Variants in TLK2 observed in about 807,000 individuals in gnomAD.
The protein encoded by TLK2 is tousled like kinase 2, also known as serine/threonine-protein kinase tousled-like 2.
Under a neutral mutation model 117.3 loss-of-function variants are expected in TLK2, and 6 were observed. The observed-to-expected ratio is 0.05, with a 90% CI of 0.03 to 0.10. The LOEUF is 0.10. Among genes scored for constraint, TLK2 ranks in the 10% least tolerant of loss-of-function variants. The pLI is 1.00. For missense variants in TLK2, 299 were observed against 901.2 expected (o/e 0.33, Z 8.56); for synonymous variants, 257 against 316.7 (o/e 0.81, Z 2.00).
intron 19 of TLK2, among the ~76,000 whole-genome samples, chr17:62,604,954 A>C (rs2083166727): frequency 6.6e-6 from 1 of 152,238 alleles, no homozygotes; most frequent in African/African-American, 2.4e-5. Flanking sequence ...GCCATAAAAA[A>C]GTCACAAATA....
intron 1 of TLK2, 127 bp downstream of exon 1, chr17:62,479,417 T>C (rs2071337010): frequency 6.5e-6 from 1 of 153,730 alleles, no homozygotes; most frequent in African/African-American, 2.4e-5. Context: ...CCGCAGCTCC[T>C]GGGCGCTGAG....
At chr17:62,556,817 A>G (rs1233388998) in intron 9 of TLK2, among the ~76,000 whole-genome samples, 4 of 150,224 alleles carry the variant, frequency 2.7e-5, no homozygotes, top group Admixed American at 1.3e-4. Flanking sequence ...TATTTCTCAC[A>G]TGTTATGTCT....
intron 2 of TLK2, among the ~76,000 whole-genome samples, chr17:62,511,659 C>T (rs539413986): frequency 1.2e-4 from 18 of 152,292 alleles, no homozygotes; most frequent in East Asian, 3.9e-4. Flanking sequence ...TGTGAGCCAC[C>T]GCACCCAGCC....
At chr17:62,593,791 A>ATTTT (rs1387305200) in intron 16 of TLK2, among the ~76,000 whole-genome samples, 1 of 134,750 alleles carries the variant, frequency 7.4e-6, no homozygotes, top group Non-Finnish European at 1.6e-5. Flanking sequence ...TACACTCTAA[A>ATTTT]TTTTTTTTTT....
intron 6 of TLK2, among the ~76,000 whole-genome samples, chr17:62,535,838 C>T (rs1373198753): frequency 2.0e-5 from 3 of 151,572 alleles, no homozygotes; most frequent in Non-Finnish European, 4.4e-5. Context: ...TTTTCATTTA[C>T]CTACAGGATA....
intron 2 of TLK2, among the ~76,000 whole-genome samples, chr17:62,499,122 T>C (rs1302403152): frequency 2.0e-5 from 3 of 151,544 alleles, no homozygotes; most frequent in Non-Finnish European, 4.4e-5. Context: ...GGGTGGATCA[T>C]CTGAGGTCAG....
chr17:62,585,428 C>T (rs2081541135), intron 15 of TLK2, among the ~76,000 whole-genome samples: 1 of 152,204 alleles, frequency 6.6e-6, no homozygotes, highest in South Asian at 2.1e-4. Context: ...ATCCCAGCTA[C>T]TCAGGAAGCT....
At chr17:62,555,306 C>G (rs541725574) in intron 9 of TLK2, among the ~76,000 whole-genome samples, 1 of 152,062 alleles carries the variant, frequency 6.6e-6, no homozygotes, top group African/African-American at 2.4e-5. Context: ...AGTCACTGTA[C>G]TCATGATGAT....
Position 62,481,156 on chromosome 17 carries a change from C to A in TLK2, c.31C>A (p.Arg11=). 1.2e-6 allele frequency: 2 copies of A among 1,613,838 alleles called. No individual in the cohort carries two copies. Among genetic ancestry groups the A allele is most frequent in the Non-Finnish European group, 1.7e-6 (2 of 1,179,834 alleles). Residue 11 remains arginine (R), a synonymous_variant, in exon 2 of 22, where the codon CGA becomes AGA. Transcript: ENST00000346027. MMEELHSLDP[R]RQELLEARFT... is the part of the protein sequence containing the mutation. ...GGAAGAATTGCATAGCCTGGACCCA[C>A]GACGGCAGGAATTATTGGAGGCCAG... is the stretch of plus-strand genomic sequence containing the variant.
At chr17:62,560,209 G>A (rs2079155180) in intron 10 of TLK2, 83 bp downstream of exon 10, 6 of 918,656 alleles carry the variant, frequency 6.5e-6, no homozygotes, top group Non-Finnish European at 9.3e-6. Context: ...CCTTACTTGA[G>A]ATGAAAATAT....
intron 16 of TLK2, among the ~76,000 whole-genome samples, chr17:62,596,232 C>T (rs966589826): frequency 6.6e-6 from 1 of 152,140 alleles, no homozygotes. Flanking sequence ...CGCACCACTA[C>T]GCCCAGCTAA....
intron 2 of TLK2, among the ~76,000 whole-genome samples, chr17:62,511,183 CAT>C (rs755828997): frequency 1.3e-4 from 20 of 152,204 alleles, no homozygotes; most frequent in Non-Finnish European, 2.2e-4. Flanking sequence ...AATTTTATCA[CAT>C]GTGTAGCTTG....
intron 18 of TLK2, 69 bp from the exon 19 acceptor site, chr17:62,601,970 TCTG>T (rs1157986431): frequency 7.2e-7 from 1 of 1,390,750 alleles, no homozygotes; most frequent in Non-Finnish European, 9.8e-7. Flanking sequence ...CCCCTTCTTA[TCTG>T]CTATTACTTT....
chr17:62,599,072 A>G (rs2082687690), intron 17 of TLK2, among the ~76,000 whole-genome samples: 1 of 151,550 alleles, frequency 6.6e-6, no homozygotes, highest in African/African-American at 2.4e-5. Flanking sequence ...CAGCCTCCCA[A>G]GTAGCTGGGA....
chr17:62,575,031 G>T (rs1411881242), intron 12 of TLK2, among the ~76,000 whole-genome samples: 2 of 152,188 alleles, frequency 1.3e-5, no homozygotes, highest in African/African-American at 4.8e-5. Flanking sequence ...TTTGTGAAGG[G>T]ACTTTCCCTC....
chr17:62,486,834 A>C (rs1390656287), intron 2 of TLK2, among the ~76,000 whole-genome samples: 2 of 152,224 alleles, frequency 1.3e-5, no homozygotes, highest in Non-Finnish European at 2.9e-5. Context: ...TAATCAACTC[A>C]CTGGATTAAT....
At chr17:62,514,224 A>G (rs1598321254) in intron 2 of TLK2, among the ~76,000 whole-genome samples, 2 of 151,420 alleles carry the variant, frequency 1.3e-5, no homozygotes, top group African/African-American at 4.9e-5. Context: ...GCTTATTGCA[A>G]CCTCCACCTC....
intron 2 of TLK2, among the ~76,000 whole-genome samples, chr17:62,483,810 C>T (rs1478463322): frequency 4.6e-5 from 7 of 151,696 alleles, no homozygotes; most frequent in Admixed American, 3.9e-4. Flanking sequence ...GCTTTATTTC[C>T]AGTTGTTTTT....
intron 11 of TLK2, among the ~76,000 whole-genome samples, chr17:62,570,179 C>A (rs2080162020): frequency 6.6e-6 from 1 of 152,168 alleles, no homozygotes; most frequent in African/African-American, 2.4e-5. Flanking sequence ...AGGTCATATC[C>A]TGAGGTACTA....
Sources: gnomAD v4.1 joint callset for allele counts (sites outside exome capture counted in the v4.1 genomes callset) on GRCh38, gnomAD v4.1.1 for gene constraint, MANE v1.5 for transcripts, NCBI Gene and HGNC (gene_info 2026-07-23, HGNC 2026-07-21) for gene names.